TLN2: variants seen among roughly 807,000 people sequenced by gnomAD.
TLN2 encodes the protein talin-2.
A neutral mutation model predicts 294.7 loss-of-function variants in TLN2; 118 were observed. The ratio of observed to expected loss-of-function variants is 0.40; its 90% CI spans 0.34 to 0.47. The LOEUF (loss-of-function observed/expected upper bound fraction) is 0.47. TLN2 is among the 20% of genes least tolerant of loss of function. TLN2 has a pLI of 0.84. For missense variants in TLN2, 3,083 were observed against 3,282.2 expected, an observed-to-expected ratio of 0.94 and a Z score of 1.48; for synonymous variants, 1,431 against 1,304.5, an observed-to-expected ratio of 1.10 and a Z score of -2.09.
intron 50 of TLN2, among the ~76,000 whole-genome samples, chr15:62,802,987 T>C (rs759247934): frequency 6.6e-6 from 1 of 152,232 alleles, no homozygotes; most frequent in African/African-American, 2.4e-5. Flanking sequence ...TTGTCAGATA[T>C]GTAGTTTGCA....
intron 35 of TLN2, 79 bp downstream of exon 35, chr15:62,752,506 T>A (rs1490876163): frequency 1.9e-6 from 3 of 1,559,964 alleles, no homozygotes; most frequent in Non-Finnish European, 2.6e-6. Context: ...CAGCTGCACC[T>A]CTTTCTCCAA....
chr15:62,597,341 G>A (rs79513730), intron 2 of TLN2, among the ~76,000 whole-genome samples: 10,342 of 152,196 alleles, frequency 0.068, 484 homozygotes, highest in East Asian at 0.16. Flanking sequence ...TTAAGTAGAT[G>A]CTGTTCCCAT....
At chr15:62,539,788 C>A (rs1162015165) in intron 1 of TLN2, among the ~76,000 whole-genome samples, 4 of 151,912 alleles carry the variant, frequency 2.6e-5, no homozygotes, top group African/African-American at 9.7e-5. Context: ...ATCTGGCCAT[C>A]ATCTACCCTT....
intron 1 of TLN2, among the ~76,000 whole-genome samples, chr15:62,545,056 A>G (rs996451799): frequency 1.3e-5 from 2 of 151,300 alleles, no homozygotes; most frequent in Non-Finnish European, 2.9e-5. Context: ...CAGCCTCCCA[A>G]GTAGCTGAGA....
At chr15:62,625,165 G>T (rs567501779) in intron 3 of TLN2, among the ~76,000 whole-genome samples, 1 of 152,266 alleles carries the variant, frequency 6.6e-6, no homozygotes, top group African/African-American at 2.4e-5. Flanking sequence ...AAACCACACA[G>T]AACTGTGGGG....
At chr15:62,687,458 G>A (rs937803513) in intron 12 of TLN2, among the ~76,000 whole-genome samples, 5 of 152,224 alleles carry the variant, frequency 3.3e-5, no homozygotes, top group African/African-American at 9.6e-5. Context: ...GAATATGTTT[G>A]TTTCAGGTCT....
intron 2 of TLN2, among the ~76,000 whole-genome samples, chr15:62,606,866 GTGTT>G (rs942831887): frequency 4.6e-5 from 7 of 152,168 alleles, no homozygotes; most frequent in African/African-American, 9.7e-5. Flanking sequence ...CCTCCTCGCA[GTGTT>G]TGTTGTAAGG....
chr15:62,498,153 CAAAAAAAAAAAAA>C (rs538951284), intron 1 of TLN2, among the ~76,000 whole-genome samples: 2 of 93,410 alleles, frequency 2.1e-5, no homozygotes, highest in South Asian at 5.5e-4. Context: ...GACCCTGCCT[CAAAAAAAAAAAAA>C]AAAAAAAAGA....
chr15:62,399,256 C>CAAAAAAAAAAAAAA lies in TLN2; in HGVS notation c.-238+8587_-238+8600dup, dbSNP rs546678440. On this transcript the variant is annotated intron_variant, in intron 1 of 58. Coordinates refer to ENST00000636159, the MANE Select transcript of TLN2 (RefSeq NM_015059.3). ...TGACAGAGCGAGACTCCGTCTCAAA[C>CAAAAAAAAAAAAAA]AAAAAAAAAAAAAAAAAAAAAAAAA... Among the ~76,000 whole-genome samples, 31 of 58,434 alleles carry CAAAAAAAAAAAAAA rather than the reference C, an allele frequency of 5.3e-4. 1 individual carries two copies. Among genetic ancestry groups the CAAAAAAAAAAAAAA allele is most frequent in the Admixed American group, 9.1e-4 (3 of 3,304 alleles). The allele number at this position is 58,434 out of a possible 152,430, so 38.3% of individuals were successfully genotyped here.
intron 1 of TLN2, among the ~76,000 whole-genome samples, chr15:62,570,065 G>C (rs988732502): frequency 6.6e-6 from 1 of 151,924 alleles, no homozygotes; most frequent in Non-Finnish European, 1.5e-5. Flanking sequence ...TTATGCCAGC[G>C]CTCCTCCTCT....
At chr15:62,572,467 A>G (rs1423786857) in intron 1 of TLN2, among the ~76,000 whole-genome samples, 1 of 152,086 alleles carries the variant, frequency 6.6e-6, no homozygotes, top group East Asian at 1.9e-4. Flanking sequence ...GCTGGTCTCG[A>G]ACTCCAGGGC....
intron 3 of TLN2, chr15:62,638,634 A>G: frequency 2.2e-6 from 1 of 455,952 alleles, no homozygotes; most frequent in Non-Finnish European, 4.4e-6. Context: ...AATGGAAAAT[A>G]GTATCAAAGG....
intron 9 of TLN2, among the ~76,000 whole-genome samples, chr15:62,666,911 C>T (rs2054721211): frequency 2.0e-5 from 3 of 152,344 alleles, no homozygotes; most frequent in Admixed American, 1.3e-4. Context: ...CCGGGCCTCA[C>T]CCCCAGAGCC....
intron 3 of TLN2, among the ~76,000 whole-genome samples, chr15:62,635,446 A>G (rs921125231): frequency 6.6e-6 from 1 of 152,228 alleles, no homozygotes; most frequent in Non-Finnish European, 1.5e-5. Context: ...AGTTTACAAT[A>G]CTGTGGGGGA....
chr15:62,747,347 GT>G (rs945378513), intron 32 of TLN2, among the ~76,000 whole-genome samples: 3 of 152,046 alleles, frequency 2.0e-5, no homozygotes, highest in Non-Finnish European at 2.9e-5. Context: ...GAGTCCCTAG[GT>G]TATTTCTGTT....
intron 1 of TLN2, among the ~76,000 whole-genome samples, chr15:62,393,343 G>GT (rs1465526879): frequency 2.6e-5 from 4 of 152,156 alleles, no homozygotes; most frequent in African/African-American, 7.2e-5. Flanking sequence ...GGGATATTCT[G>GT]TACAGGCATA....
At chr15:62,594,682 A>G (rs1031582234) in intron 2 of TLN2, among the ~76,000 whole-genome samples, 2 of 152,260 alleles carry the variant, frequency 1.3e-5, no homozygotes, top group African/African-American at 4.8e-5. Context: ...ACATCTATGT[A>G]AGACCTGAAA....
rs150486949 is a variant in TLN2, at chr15:62,721,364, C to T, written c.2992-989C>T. ...AAACATGTATGTTTTTGCCAGTTTGCTCTGTAAAACTATTTTTGTTTGGTT... is the reference window on the plus strand; with the variant it reads ...AAACATGTATGTTTTTGCCAGTTTGTTCTGTAAAACTATTTTTGTTTGGTT... On this transcript the variant is annotated intron_variant, in intron 25 of 58. Transcript: ENST00000636159. 2.1e-3 allele frequency among the ~76,000 whole-genome samples: 318 copies of T among 152,172 alleles called. 3 individuals are homozygous for T. Among genetic ancestry groups the T allele is most frequent in the African/African-American group, 7.4e-3 (309 of 41,532 alleles).
At chr15:62,480,497 T>TTG (rs1326746147) in intron 1 of TLN2, among the ~76,000 whole-genome samples, 1 of 152,232 alleles carries the variant, frequency 6.6e-6, no homozygotes, top group Non-Finnish European at 1.5e-5. Context: ...AGTGCTGGGA[T>TTG]TACAGGCGTG....
Sources: gnomAD v4.1 joint callset for allele counts (sites outside exome capture counted in the v4.1 genomes callset) on GRCh38, gnomAD v4.1.1 for gene constraint, MANE v1.5 for transcripts, NCBI Gene and HGNC (gene_info 2026-07-23, HGNC 2026-07-21) for gene names.